The following SNTG2 variants were observed in gnomAD, a reference collection of about 807,000 sequenced individuals.
SNTG2 encodes the protein gamma-2-syntrophin.
SNTG2 carries 74 observed loss-of-function variants against 70.9 expected under a neutral mutation model. The observed-to-expected ratio is 1.04, with a 90% confidence interval of 0.86 to 1.27. The LOEUF (loss-of-function observed/expected upper bound fraction) is 1.27, where lower values mean the gene tolerates loss of function less well. Among genes scored for constraint, SNTG2 ranks in the 50% most tolerant of loss-of-function variants. The pLI, the probability that SNTG2 is intolerant of heterozygous loss-of-function variation, is 0.00. For synonymous variants in SNTG2, 278 were observed against 273.8 expected (o/e 1.02, Z -0.15); for missense variants, 717 against 690.7 (o/e 1.04, Z -0.43).
chr2:1,315,873 A>AT lies in SNTG2; in HGVS notation c.1378-386dup, dbSNP rs529966306. Among the ~76,000 whole-genome samples, 18 of 152,144 alleles carry AT rather than the reference A, an allele frequency of 1.2e-4. No individual in the cohort carries two copies. The East Asian group carries it at 3.3e-3, about 28-fold the overall frequency. ...ATAGGAAGAACTGGAACTTTTAGTG[A>AT]TTTTTTCTGAAGTTCTCCAAGCAGA... On this transcript the variant is annotated intron_variant, in intron 15 of 16. Transcript: ENST00000308624.
intron 1 of SNTG2, among the ~76,000 whole-genome samples, chr2:964,502 T>C (rs1212845981): frequency 3.3e-5 from 5 of 152,220 alleles, no homozygotes; most frequent in Non-Finnish European, 7.3e-5. Flanking sequence ...GCAGATGTGT[T>C]TGCAGGAAAT....
At chr2:993,070 C>CTTTTTTTTTTTTTTT (rs59134628) in intron 1 of SNTG2, among the ~76,000 whole-genome samples, 1 of 140,496 alleles carries the variant, frequency 7.1e-6, no homozygotes. Context: ...TTTGTGGGTT[C>CTTTTTTTTTTTTTTT]TTTTTTTTTT....
At chr2:1,054,334 T>G (rs1055083393) in intron 1 of SNTG2, among the ~76,000 whole-genome samples, 25 of 152,106 alleles carry the variant, frequency 1.6e-4, no homozygotes, top group Admixed American at 4.6e-4. Context: ...CACCAGGAGT[T>G]CACTCTTCTT....
At chr2:1,203,838 A>G (rs1323441103) in intron 8 of SNTG2, among the ~76,000 whole-genome samples, 3 of 152,062 alleles carry the variant, frequency 2.0e-5, no homozygotes, top group Non-Finnish European at 2.9e-5. Flanking sequence ...AATGGGGCTT[A>G]TTTCAGGAAT....
At chr2:981,994 A>G (rs1423974597) in intron 1 of SNTG2, among the ~76,000 whole-genome samples, 11 of 152,168 alleles carry the variant, frequency 7.2e-5, no homozygotes, top group Non-Finnish European at 1.5e-4. Context: ...GCACTTGTGC[A>G]CACACGTGTC....
intron 1 of SNTG2, among the ~76,000 whole-genome samples, chr2:981,793 C>G (rs1661107108): frequency 6.6e-6 from 1 of 152,198 alleles, no homozygotes; most frequent in African/African-American, 2.4e-5. Context: ...TGCAAGCAGA[C>G]ATGTATACCA....
chr2:1,116,759 T>A (rs1369669229), intron 4 of SNTG2, among the ~76,000 whole-genome samples: 2 of 140,278 alleles, frequency 1.4e-5, no homozygotes, highest in Non-Finnish European at 3.1e-5. Context: ...CCGTGGTGTG[T>A]CAGTGCCCTG....
At chr2:1,119,992 A>C (rs1351602818) in intron 4 of SNTG2, among the ~76,000 whole-genome samples, 2 of 152,150 alleles carry the variant, frequency 1.3e-5, no homozygotes, top group Non-Finnish European at 2.9e-5. Flanking sequence ...AAAATGAGAA[A>C]ATGGCATTGA....
At chr2:1,022,415 G>A (rs965890950) in intron 1 of SNTG2, among the ~76,000 whole-genome samples, 5 of 151,702 alleles carry the variant, frequency 3.3e-5, no homozygotes, top group Admixed American at 6.6e-5. Flanking sequence ...CTGCGTTCTC[G>A]TTAGCCCCTG....
intron 4 of SNTG2, among the ~76,000 whole-genome samples, chr2:1,125,099 A>G (rs1667620194): frequency 6.6e-6 from 1 of 152,182 alleles, no homozygotes. Context: ...AATCTACTGG[A>G]CACCCACAGG....
At chr2:1,233,499 G>A (rs1676398790) in intron 9 of SNTG2, among the ~76,000 whole-genome samples, 1 of 152,222 alleles carries the variant, frequency 6.6e-6, no homozygotes, top group South Asian at 2.1e-4. Context: ...GCACATGAGA[G>A]CTGGGCTGTG....
chr2:991,828 T>C (rs1167215211), intron 1 of SNTG2, among the ~76,000 whole-genome samples: 2 of 152,202 alleles, frequency 1.3e-5, no homozygotes, highest in African/African-American at 4.8e-5. Context: ...TAATTATCAA[T>C]AAATGATAAG....
chr2:1,033,609 C>T (rs1660965653), intron 1 of SNTG2, among the ~76,000 whole-genome samples: 1 of 152,206 alleles, frequency 6.6e-6, no homozygotes, highest in East Asian at 1.9e-4. Context: ...CACTGCTAGC[C>T]TTTGATCAAC....
intron 14 of SNTG2, among the ~76,000 whole-genome samples, chr2:1,302,137 A>G (rs1038092014): frequency 6.6e-6 from 1 of 151,768 alleles, no homozygotes; most frequent in Non-Finnish European, 1.5e-5. Context: ...AATTTTTTGT[A>G]TTTAGTAGAG....
chr2:1,315,663 C>T (rs1465151880), intron 15 of SNTG2, among the ~76,000 whole-genome samples: 1 of 152,046 alleles, frequency 6.6e-6, no homozygotes, highest in Non-Finnish European at 1.5e-5. Flanking sequence ...CGTACCATAG[C>T]AAACATTAAG....
At chr2:1,339,116 T>G (rs1659959365) in intron 16 of SNTG2, among the ~76,000 whole-genome samples, 1 of 152,214 alleles carries the variant, frequency 6.6e-6, no homozygotes, top group African/African-American at 2.4e-5. Flanking sequence ...TCCCCAATGA[T>G]TGATGATGTG....
intron 16 of SNTG2, among the ~76,000 whole-genome samples, chr2:1,337,750 G>C (rs886599757): frequency 1.3e-5 from 2 of 152,034 alleles, no homozygotes; most frequent in African/African-American, 2.4e-5. Flanking sequence ...TGCCTTTGCT[G>C]TTTGTGTCAT....
intron 14 of SNTG2, among the ~76,000 whole-genome samples, chr2:1,306,589 G>A (rs1680677501): frequency 6.6e-6 from 1 of 152,224 alleles, no homozygotes; most frequent in Non-Finnish European, 1.5e-5. Flanking sequence ...GGCAGCCCAT[G>A]GAGCGGAGCC....
chr2:1,109,108 G>T lies in SNTG2; in HGVS notation c.325+10698G>T, dbSNP rs535035868. Among the ~76,000 whole-genome samples the T allele has an allele frequency of 3.4e-4, 52 of 152,004 alleles. No homozygotes were observed. In the South Asian group the frequency reaches 7.2e-3, roughly 21 times the overall value. ...AGTGGACGCACGCTGTCACTGGGGCGCAGGGTATGGAGAGCTGGATGCACA... is the reference window on the plus strand; with the variant it reads ...AGTGGACGCACGCTGTCACTGGGGCTCAGGGTATGGAGAGCTGGATGCACA... On this transcript the variant is annotated intron_variant, in intron 4 of 16. Transcript: ENST00000308624.
Sources: allele counts gnomAD v4.1 joint callset (sites outside exome capture counted in the v4.1 genomes callset), GRCh38; gene constraint gnomAD v4.1.1; transcripts MANE v1.5; gene names NCBI Gene and HGNC (gene_info 2026-07-23, HGNC 2026-07-21).